Variants in FIP1L1 observed in about 807,000 individuals in gnomAD.
FIP1L1 encodes the protein pre-mRNA 3'-end-processing factor FIP1.
FIP1L1 carries 21 observed loss-of-function variants against 84.6 expected under a neutral mutation model. The ratio of observed to expected loss-of-function variants is 0.25; its 90% CI spans 0.18 to 0.36. The LOEUF (loss-of-function observed/expected upper bound fraction) is 0.36. Ranked by LOEUF, FIP1L1 falls within the 10% of genes least tolerant of loss-of-function variation. The pLI is 1.00. For missense variants in FIP1L1, 526 were observed against 751.1 expected, an observed-to-expected ratio of 0.70 and a Z score of 3.50; for synonymous variants, 263 against 242.3, an observed-to-expected ratio of 1.09 and a Z score of -0.80.
intron 15 of FIP1L1, among the ~76,000 whole-genome samples, chr4:53,444,994 GT>G (rs1773584725): frequency 6.6e-6 from 1 of 152,146 alleles, no homozygotes; most frequent in African/African-American, 2.4e-5. Flanking sequence ...TAGCAGAGGG[GT>G]CTCCTACTCC....
At chr4:53,416,698 C>T (rs1257415094) in intron 11 of FIP1L1, among the ~76,000 whole-genome samples, 1 of 152,160 alleles carries the variant, frequency 6.6e-6, no homozygotes, top group African/African-American at 2.4e-5. Context: ...GGTGTGGTGG[C>T]TCACACATGT....
intron 10 of FIP1L1, among the ~76,000 whole-genome samples, chr4:53,404,803 A>G (rs1284303204): frequency 3.9e-5 from 6 of 152,046 alleles, no homozygotes; most frequent in East Asian, 3.9e-4. Context: ...GGCTGCATAA[A>G]TGTCTTCTTT....
intron 11 of FIP1L1, among the ~76,000 whole-genome samples, chr4:53,422,770 A>G (rs1361820928): frequency 5.3e-5 from 8 of 151,662 alleles, no homozygotes; most frequent in Non-Finnish European, 1.5e-5. Context: ...TCTGGAGTGC[A>G]GTGGCACAAT....
intron 14 of FIP1L1, among the ~76,000 whole-genome samples, chr4:53,443,213 A>G (rs1207140862): frequency 6.6e-6 from 1 of 152,100 alleles, no homozygotes; most frequent in Non-Finnish European, 1.5e-5. Flanking sequence ...GCTAACTAGA[A>G]CGCTGTACAA....
intron 11 of FIP1L1, among the ~76,000 whole-genome samples, 190 bp downstream of exon 11, chr4:53,414,912 C>G (rs1758790823): frequency 6.6e-6 from 1 of 152,020 alleles, no homozygotes; most frequent in Non-Finnish European, 1.5e-5. Flanking sequence ...TGCTACCCAT[C>G]TTTCTGGCTG....
intron 13 of FIP1L1, among the ~76,000 whole-genome samples, chr4:53,438,732 A>G (rs536549488): frequency 6.6e-6 from 1 of 152,282 alleles, no homozygotes; most frequent in African/African-American, 2.4e-5. Context: ...TACCTTTGTA[A>G]TGTACTTAAT....
At chr4:53,401,815 T>C (rs768167150) in intron 10 of FIP1L1, among the ~76,000 whole-genome samples, 1 of 152,178 alleles carries the variant, frequency 6.6e-6, no homozygotes, top group Non-Finnish European at 1.5e-5. Flanking sequence ...GTGGGAAATT[T>C]GAGTAGGAAG....
At chr4:53,448,827 A>G (rs572434741) in intron 15 of FIP1L1, among the ~76,000 whole-genome samples, 6 of 152,260 alleles carry the variant, frequency 3.9e-5, no homozygotes, top group Non-Finnish European at 5.9e-5. Context: ...ATAAACTGCT[A>G]TAGTTATCTC....
At chr4:53,448,428 A>G (rs1233632800) in intron 15 of FIP1L1, among the ~76,000 whole-genome samples, 2 of 152,072 alleles carry the variant, frequency 1.3e-5, no homozygotes, top group Non-Finnish European at 1.5e-5. Context: ...TTGCTTTTAC[A>G]TATGTATTTT....
chr4:53,408,630 A>G (rs1196002911), intron 10 of FIP1L1, among the ~76,000 whole-genome samples: 2 of 152,192 alleles, frequency 1.3e-5, no homozygotes, highest in Non-Finnish European at 2.9e-5. Context: ...TTTCAGGTAC[A>G]CCAATCAGAT....
chr4:53,421,149 T>C (rs922184320), intron 11 of FIP1L1, among the ~76,000 whole-genome samples: 1 of 152,204 alleles, frequency 6.6e-6, no homozygotes, highest in African/African-American at 2.4e-5. Context: ...TAAAATCAAA[T>C]GATAGCTAGG....
intron 15 of FIP1L1, among the ~76,000 whole-genome samples, chr4:53,447,838 T>A (rs1287628579): frequency 6.6e-6 from 1 of 152,122 alleles, no homozygotes; most frequent in East Asian, 1.9e-4. Flanking sequence ...TACTCTATTT[T>A]AAATATTCTT....
intron 15 of FIP1L1, among the ~76,000 whole-genome samples, chr4:53,447,729 G>C (rs1168775650): frequency 6.6e-6 from 1 of 152,046 alleles, no homozygotes; most frequent in Non-Finnish European, 1.5e-5. Flanking sequence ...TGGAATATTT[G>C]CATATACATA....
Position 53,460,162 on chromosome 4 carries a change from C to A in FIP1L1, c.*713C>A. The A allele has an allele frequency of 5.0e-6, 1 of 198,916 alleles. No homozygotes were observed. Among genetic ancestry groups the A allele is most frequent in the Non-Finnish European group, 1.0e-5 (1 of 96,184 alleles). The allele number at this position is 198,916 out of a possible 1,614,324, so 12.3% of individuals were successfully genotyped here. On this transcript the variant is annotated 3_prime_UTR_variant, in exon 18 of 18. Transcript: ENST00000337488. ...CATGACCATGTCTGTGAGCCAGGGT[C>A]AAGCTGGTTTGGCCTTCTTGATGCA...
intron 6 of FIP1L1, 108 bp downstream of exon 6, chr4:53,389,981 C>A: frequency 1.3e-6 from 1 of 788,642 alleles, no homozygotes; most frequent in South Asian, 1.8e-5. Flanking sequence ...CTCTGTCACT[C>A]AGGCTGGAGT....
intron 5 of FIP1L1, among the ~76,000 whole-genome samples, chr4:53,385,061 G>C (rs925562406): frequency 6.6e-6 from 1 of 152,096 alleles, no homozygotes; most frequent in African/African-American, 2.4e-5. Flanking sequence ...TTAGGGAACA[G>C]AGTAAAGAGG....
In FIP1L1 at chr4:53,459,574, A is replaced by G. The variant is rs772166980; in HGVS notation, c.*125A>G. 2.4e-5 allele frequency: 33 copies of G among 1,378,962 alleles called. No individual in the cohort carries two copies. The highest frequency in any genetic ancestry group is 3.3e-5 in the Non-Finnish European group (33 of 994,682). The allele number at this position is 1,378,962 out of a possible 1,614,324, so 85.4% of individuals were successfully genotyped here. On this transcript the variant is annotated 3_prime_UTR_variant, in exon 18 of 18. Coordinates refer to ENST00000337488, the MANE Select transcript of FIP1L1 (RefSeq NM_030917.4). ...TTCTGTTTGTTAGTATGAAAAGTTA[A>G]CTTTTTTTCCAAAATAAAAGAGTGA...
chr4:53,391,225 G>T (rs1295987780), intron 8 of FIP1L1, 86 bp downstream of exon 8: 4 of 1,427,162 alleles, frequency 2.8e-6, no homozygotes, highest in African/African-American at 1.4e-5. Context: ...TATAAAAGTG[G>T]TTAAATGCTA....
chr4:53,406,018 T>G (rs1485245962), intron 10 of FIP1L1, among the ~76,000 whole-genome samples: 1 of 151,930 alleles, frequency 6.6e-6, no homozygotes. Flanking sequence ...CCTGCCTAAT[T>G]GCCCTGGCCA....
Sources: allele counts gnomAD v4.1 joint callset (sites outside exome capture counted in the v4.1 genomes callset), GRCh38; gene constraint gnomAD v4.1.1; transcripts MANE v1.5; gene names NCBI Gene and HGNC (gene_info 2026-07-23, HGNC 2026-07-21).